Variants in WDPCP observed in about 807,000 individuals in gnomAD.
WDPCP encodes WD repeat-containing and planar cell polarity effector protein fritz homolog.
A neutral mutation model predicts 93.1 loss-of-function variants in WDPCP; 71 were observed. That is an observed-to-expected ratio of 0.76 (90% CI 0.63 to 0.93). The LOEUF (loss-of-function observed/expected upper bound fraction) is 0.93, where lower values mean the gene tolerates loss of function less well. WDPCP is among the 40% of genes least tolerant of loss of function. WDPCP has a pLI of 0.00. For missense variants in WDPCP, 844 were observed against 887.4 expected, an observed-to-expected ratio of 0.95 and a Z score of 0.62; for synonymous variants, 315 against 315.0, an observed-to-expected ratio of 1.00 and a Z score of 0.00.
intron 1 of WDPCP, among the ~76,000 whole-genome samples, chr2:63,584,063 G>C (rs185767932): frequency 2.6e-5 from 4 of 152,212 alleles, no homozygotes; most frequent in African/African-American, 9.6e-5. Context: ...GGGTGGCCAA[G>C]GCAGGAGGAT....
intron 1 of WDPCP, among the ~76,000 whole-genome samples, chr2:63,822,634 C>T (rs1010150306): frequency 6.6e-6 from 1 of 151,852 alleles, no homozygotes; most frequent in Non-Finnish European, 1.5e-5. Context: ...ACCTATAATC[C>T]CAGCACCTTA....
At chr2:63,722,985 C>T (rs1476261322) in intron 2 of WDPCP, among the ~76,000 whole-genome samples, 1 of 152,078 alleles carries the variant, frequency 6.6e-6, no homozygotes, top group Non-Finnish European at 1.5e-5. Flanking sequence ...GTGACCTTAC[C>T]CCCAACCCTG....
chr2:63,513,516 T>G (rs1253664901), intron 1 of WDPCP, among the ~76,000 whole-genome samples: 1 of 152,032 alleles, frequency 6.6e-6, no homozygotes, highest in Non-Finnish European at 1.5e-5. Context: ...CTCTCCTGTC[T>G]CCCTCCTCTT....
chr2:63,467,776 CAAAAAAAAAA>C (rs3051717), intron 6 of WDPCP, among the ~76,000 whole-genome samples: 1 of 87,692 alleles, frequency 1.1e-5, no homozygotes, highest in African/African-American at 4.8e-5. Flanking sequence ...ACTCAGTCTC[CAAAAAAAAAA>C]AAAAAAAAAA....
chr2:63,382,122 A>C (rs752784787), intron 10 of WDPCP, 28 bp from the exon 11 acceptor site: 2 of 1,594,380 alleles, frequency 1.3e-6, no homozygotes, highest in East Asian at 2.3e-5. Context: ...AAACCAGGTG[A>C]ATCTTTTAAA....
chr2:63,459,916 C>CA (rs1464630669), intron 6 of WDPCP, among the ~76,000 whole-genome samples: 2 of 151,358 alleles, frequency 1.3e-5, no homozygotes, highest in Admixed American at 6.6e-5. Context: ...GATTCTGTCT[C>CA]AAAAAAAGAA....
At chr2:63,186,266 C>G (rs147473624) in intron 14 of WDPCP, among the ~76,000 whole-genome samples, 22 of 152,368 alleles carry the variant, frequency 1.4e-4, no homozygotes, top group Admixed American at 5.9e-4. Flanking sequence ...TCCTCCCTCT[C>G]TGGTTCCACA....
At chr2:63,167,545 T>C (rs1348095936) in intron 15 of WDPCP, among the ~76,000 whole-genome samples, 1 of 152,214 alleles carries the variant, frequency 6.6e-6, no homozygotes, top group Non-Finnish European at 1.5e-5. Context: ...TAAAAGGTTT[T>C]AAAATTTCCA....
In WDPCP at chr2:63,522,008, ATC is replaced by A. The variant is rs1388503329; in HGVS notation, c.76-29070_76-29069del. The stretch of plus-strand genomic sequence containing the variant: ...GAGAACAAAGATACAACATACCAAA[ATC>A]TCTGGGACACAGCCAAAGCAATTTT... On this transcript the variant is annotated intron_variant, in intron 1 of 17. Coordinates refer to ENST00000272321, the MANE Select transcript of WDPCP (RefSeq NM_015910.7). Among the ~76,000 whole-genome samples the A allele has an allele frequency of 2.0e-5, 3 of 152,178 alleles. No individual in the cohort carries two copies. The East Asian group carries it at 5.8e-4, about 29-fold the overall frequency.
At chr2:63,140,779 GT>G (rs1192282136) in intron 17 of WDPCP, among the ~76,000 whole-genome samples, 11 of 152,086 alleles carry the variant, frequency 7.2e-5, no homozygotes, top group African/African-American at 2.7e-4. Flanking sequence ...TTGACTTCCT[GT>G]TTACTGATTT....
intron 2 of WDPCP, among the ~76,000 whole-genome samples, chr2:63,681,059 G>A (rs1006084160): frequency 2.6e-4 from 39 of 152,054 alleles, no homozygotes; most frequent in African/African-American, 8.0e-4. Context: ...GTACAGCATG[G>A]GCCTTGGGTG....
intron 17 of WDPCP, among the ~76,000 whole-genome samples, chr2:63,124,867 A>G (rs1669786722): frequency 1.3e-5 from 2 of 152,056 alleles, no homozygotes; most frequent in African/African-American, 4.8e-5. Context: ...TTCTCTGTAA[A>G]GGGTTTTTTT....
rs187345333 is a variant in WDPCP at position 63,729,641 on chromosome 2, C to A, written n.309-78803G>T. 5.9e-5 allele frequency among the ~76,000 whole-genome samples: 9 copies of A among 152,212 alleles called. No homozygotes were observed. The East Asian group carries it at 1.3e-3, about 23-fold the overall frequency. On this transcript the variant is annotated intron_variant and non_coding_transcript_variant, in intron 2 of 4. Transcript: ENST00000467687. ...AACAAAGCAAAACAAAACAAAAAAA[C>A]CCAGAAATATTGCACAACTCAATTT...
intron 12 of WDPCP, among the ~76,000 whole-genome samples, chr2:63,313,889 T>A (rs1382337355): frequency 2.3e-5 from 3 of 129,968 alleles, no homozygotes; most frequent in South Asian, 2.6e-4. Context: ...TATATATATT[T>A]TTTTTTTTTT....
chr2:63,260,683 G>A (rs1415813173), intron 13 of WDPCP, among the ~76,000 whole-genome samples: 3 of 152,082 alleles, frequency 2.0e-5, no homozygotes, highest in African/African-American at 4.8e-5. Flanking sequence ...TTGAGTAGCT[G>A]GGATTACAGG....
chr2:63,481,810 G>T (rs1387186752), intron 6 of WDPCP, among the ~76,000 whole-genome samples: 2 of 151,646 alleles, frequency 1.3e-5, no homozygotes, highest in East Asian at 3.9e-4. Flanking sequence ...CGGGTGATGG[G>T]TGCACCAAAA....
intron 12 of WDPCP, among the ~76,000 whole-genome samples, chr2:63,340,027 C>T (rs2104446608): frequency 1.3e-5 from 2 of 152,130 alleles, no homozygotes; most frequent in African/African-American, 4.8e-5. Context: ...TTTACTTAGT[C>T]CTTTTGGGAA....
chr2:63,276,219 GA>G (rs1683080480), intron 13 of WDPCP, among the ~76,000 whole-genome samples: 1 of 152,156 alleles, frequency 6.6e-6, no homozygotes, highest in Non-Finnish European at 1.5e-5. Flanking sequence ...TGGAACAAAA[GA>G]ATCTGAATAG....
intron 16 of WDPCP, 165 bp from the exon 17 acceptor site, chr2:63,153,110 C>T (rs1170256859): frequency 1.6e-6 from 1 of 632,896 alleles, no homozygotes; most frequent in East Asian, 2.8e-5. Context: ...TATGAAAGTG[C>T]CAATCATTTT....
Sources: gnomAD v4.1 joint callset for allele counts (sites outside exome capture counted in the v4.1 genomes callset) on GRCh38, gnomAD v4.1.1 for gene constraint, MANE v1.5 for transcripts, NCBI Gene and HGNC (gene_info 2026-07-23, HGNC 2026-07-21) for gene names.